The following STX12 variants were observed in gnomAD, a reference collection of about 807,000 sequenced individuals.
The protein encoded by STX12 is syntaxin 12.
STX12 carries 17 observed loss-of-function variants against 42.2 expected under a neutral mutation model. That is an observed-to-expected ratio of 0.40 (90% CI 0.28 to 0.60). STX12 has a LOEUF of 0.60. Among genes scored for constraint, STX12 ranks in the 20% least tolerant of loss-of-function variants. STX12 has a pLI of 0.39. For missense variants in STX12, 297 were observed against 330.9 expected (o/e 0.90, Z 0.79); for synonymous variants, 108 against 116.7 (o/e 0.93, Z 0.48).
intron 8 of STX12, among the ~76,000 whole-genome samples, 198 bp from the exon 9 acceptor site, chr1:27,822,033 A>G (rs1404407015): frequency 6.6e-6 from 1 of 151,858 alleles, no homozygotes; most frequent in African/African-American, 2.4e-5. Context: ...AAAAAAAAAC[A>G]CCAAACAAAC....
At position 27,822,183 on chromosome 1, in the gene STX12, A is replaced by G. The variant is rs753401767; in HGVS notation, c.733-48A>G. The G allele has an allele frequency of 1.4e-5, 17 of 1,188,300 alleles. No individual in the cohort carries two copies. In the South Asian group the frequency reaches 1.7e-4, roughly 12 times the overall value. The allele number at this position is 1,188,300 out of a possible 1,614,324, so 73.6% of individuals were successfully genotyped here. ...GCATTCTTAGAGTCTTACACATACA[A>G]ATTTTACTTGTTTCATGAGTATCTT... On this transcript the variant is annotated intron_variant, in intron 8 of 8. Transcript: ENST00000373943.
chr1:27,794,276 C>T (rs2088769880), intron 3 of STX12, among the ~76,000 whole-genome samples: 1 of 152,234 alleles, frequency 6.6e-6, no homozygotes, highest in South Asian at 2.1e-4. Context: ...ATCCTCCCAC[C>T]TCAGCCTCCC....
Position 27,773,299 on chromosome 1 carries a change from C to A in STX12, c.-9C>A. 6.3e-7 allele frequency: 1 copy of A among 1,580,480 alleles called. No homozygotes were observed. The highest frequency in any genetic ancestry group is 8.6e-7 in the Non-Finnish European group (1 of 1,157,542). On this transcript the variant is annotated 5_prime_UTR_variant, in exon 1 of 9. Coordinates refer to ENST00000373943, the MANE Select transcript of STX12 (RefSeq NM_177424.3). ...GCGGTGTAGAGCGAGCAGGTCTCAG[C>A]TCCTCGTCATGTCATACGGTCCCTT... is the stretch of plus-strand genomic sequence containing the variant.
chr1:27,782,951 A>G (rs1330571640), intron 1 of STX12, among the ~76,000 whole-genome samples: 1 of 152,248 alleles, frequency 6.6e-6, no homozygotes, highest in Non-Finnish European at 1.5e-5. Context: ...CATAATCACC[A>G]CATAGGCTAT....
At chr1:27,798,539 G>A (rs1328589823) in intron 3 of STX12, among the ~76,000 whole-genome samples, 1 of 151,384 alleles carries the variant, frequency 6.6e-6, no homozygotes, top group African/African-American at 2.4e-5. Flanking sequence ...CAACTACTCG[G>A]GAGACTGAGG....
Position 27,819,695 on chromosome 1 carries a change from G to C in STX12, c.695G>C (p.Arg232Thr), listed in dbSNP as rs747252142. Residue 232 changes from arginine to threonine, a missense_variant, in exon 8 of 9, where the codon AGA becomes ACA. By Grantham distance (71) the Arg-to-Thr change is moderately conservative (BLOSUM62 -1). Coordinates refer to ENST00000373943, the MANE Select transcript of STX12 (RefSeq NM_177424.3). The stretch of plus-strand genomic sequence containing the variant: ...GAAAGCTCAGAGGTGCACGTCGAAA[G>C]AGCCACTGAACAGTTACAGCGAGCT... ...NVESSEVHVE[R>T]ATEQLQRAAY... is the part of the protein sequence containing the mutation. 6.8e-6 allele frequency: 11 copies of C among 1,613,996 alleles called. No homozygotes were observed. The highest frequency in any genetic ancestry group is 1.1e-5 in the South Asian group (1 of 91,072).
chr1:27,816,733 A>C (rs1322808221), intron 6 of STX12, among the ~76,000 whole-genome samples: 1 of 151,776 alleles, frequency 6.6e-6, no homozygotes, highest in African/African-American at 2.4e-5. Context: ...CCTGGCCAAC[A>C]TGGTGAAACC....
intron 1 of STX12, 138 bp downstream of exon 1, chr1:27,773,563 G>A (rs571210293): frequency 2.7e-6 from 2 of 728,104 alleles, no homozygotes; most frequent in Admixed American, 2.9e-5. Context: ...CCCTGGGGGC[G>A]GTGGGCTGCC....
intron 3 of STX12, among the ~76,000 whole-genome samples, chr1:27,798,797 A>G (rs2088805932): frequency 6.7e-6 from 1 of 149,964 alleles, no homozygotes. Flanking sequence ...AAAAAAAAAA[A>G]AAAAAAATTA....
intron 3 of STX12, among the ~76,000 whole-genome samples, chr1:27,798,051 A>G (rs1219816793): frequency 2.6e-5 from 4 of 152,198 alleles, no homozygotes; most frequent in Non-Finnish European, 5.9e-5. Context: ...TGCCTAATTT[A>G]TAGGTCATTG....
At chr1:27,783,365 C>T (rs758267631) in intron 1 of STX12, among the ~76,000 whole-genome samples, 4 of 152,018 alleles carry the variant, frequency 2.6e-5, no homozygotes, top group Non-Finnish European at 4.4e-5. Context: ...GATGGAGTCG[C>T]GCTCTGTTGC....
intron 2 of STX12, among the ~76,000 whole-genome samples, chr1:27,791,391 A>C (rs2088740098): frequency 6.6e-6 from 1 of 152,254 alleles, no homozygotes; most frequent in African/African-American, 2.4e-5. Context: ...GGACTACTGC[A>C]TATGTAATCA....
chr1:27,801,856 T>C, intron 4 of STX12, 41 bp downstream of exon 4: 7 of 1,549,304 alleles, frequency 4.5e-6, no homozygotes, highest in South Asian at 1.3e-5. Context: ...AATATCAGAA[T>C]GTTCTTTTCC....
Position 27,812,121 on chromosome 1 carries a change from C to A in STX12, c.471-42C>A, listed in dbSNP as rs1268635498. On this transcript the variant is annotated intron_variant, in intron 5 of 8. Transcript: ENST00000373943. ...ATGTTGGAGATATGTCTTGTTATGC[C>A]TTTGAGAGGAGAAATCACCTAGTGT... 4 of 1,501,674 alleles carry A rather than the reference C, an allele frequency of 2.7e-6. No individual in the cohort carries two copies. In the African/African-American group the frequency reaches 5.6e-5, roughly 21 times the overall value. The allele number at this position is 1,501,674 out of a possible 1,614,324, so 93.0% of individuals were successfully genotyped here. A position where few individuals can be genotyped will look rare whatever the true frequency, so the allele number is the denominator to read the frequency against.
chr1:27,811,046 A>G (rs1389805174), intron 5 of STX12, among the ~76,000 whole-genome samples: 1 of 151,988 alleles, frequency 6.6e-6, no homozygotes, highest in African/African-American at 2.4e-5. Context: ...GCGTTGGGGC[A>G]TGGTGGCTCA....
intron 1 of STX12, among the ~76,000 whole-genome samples, chr1:27,774,551 G>A (rs149278057): frequency 1.3e-5 from 2 of 152,214 alleles, no homozygotes; most frequent in Admixed American, 1.3e-4. Context: ...TAGAGATGAA[G>A]TCTTGCTATG....
At chr1:27,809,266 A>G (rs1230572178) in intron 4 of STX12, among the ~76,000 whole-genome samples, 1 of 151,382 alleles carries the variant, frequency 6.6e-6, no homozygotes, top group African/African-American at 2.4e-5. Flanking sequence ...CCTGGGAGGC[A>G]GAGGTGGTAG....
Position 27,792,247 on chromosome 1 carries a change from T to C in STX12, c.189-1286T>C, listed in dbSNP as rs557272935. 3.8e-3 allele frequency among the ~76,000 whole-genome samples: 472 copies of C among 123,126 alleles called. 17 individuals are homozygous for C. Among genetic ancestry groups the C allele is most frequent in the Middle Eastern group, 7.6e-3 (2 of 264 alleles). The allele number at this position is 123,126 out of a possible 152,430, so 80.8% of individuals were successfully genotyped here. ...ATGTATATACATATATATGTATCTA[T>C]ATATATGTAGATACATATATATGTA... On this transcript the variant is annotated intron_variant, in intron 2 of 8. Transcript: ENST00000373943.
chr1:27,787,606 C>CCGA (rs1288147462), intron 1 of STX12, among the ~76,000 whole-genome samples: 1 of 151,896 alleles, frequency 6.6e-6, no homozygotes, highest in Non-Finnish European at 1.5e-5. Context: ...TTGCAGTGAG[C>CCGA]CGAGATCATG....
Sources: gnomAD v4.1 joint callset for allele counts (sites outside exome capture counted in the v4.1 genomes callset) on GRCh38, gnomAD v4.1.1 for gene constraint, MANE v1.5 for transcripts, NCBI Gene and HGNC (gene_info 2026-07-23, HGNC 2026-07-21) for gene names.